The following NLGN1 variants were observed in gnomAD, a reference collection of about 807,000 sequenced individuals.
NLGN1 encodes neuroligin 1, also known as neuroligin-1.
A neutral mutation model predicts 65.5 loss-of-function variants in NLGN1; 12 were observed. The ratio of observed to expected loss-of-function variants is 0.18; its 90% CI spans 0.12 to 0.30. The LOEUF (loss-of-function observed/expected upper bound fraction) is 0.30. Among genes scored for constraint, NLGN1 ranks in the 10% least tolerant of loss-of-function variants. The pLI is 1.00. For missense variants in NLGN1, 750 were observed against 1,007.1 expected (o/e 0.74, Z 3.46); for synonymous variants, 350 against 359.5 (o/e 0.97, Z 0.30).
chr3:174,002,072 C>G (rs1442838703), intron 4 of NLGN1, among the ~76,000 whole-genome samples: 1 of 137,718 alleles, frequency 7.3e-6, no homozygotes, highest in Non-Finnish European at 1.6e-5. Flanking sequence ...AAAAAAAAAA[C>G]AAGATTAGGG....
At chr3:173,733,302 T>C (rs990320779) in intron 3 of NLGN1, among the ~76,000 whole-genome samples, 2 of 152,150 alleles carry the variant, frequency 1.3e-5, no homozygotes, top group African/African-American at 4.8e-5. Context: ...GGAATGGTTG[T>C]TCTTATTTTC....
At chr3:173,953,995 G>A (rs1009884766) in intron 4 of NLGN1, among the ~76,000 whole-genome samples, 1 of 152,150 alleles carries the variant, frequency 6.6e-6, no homozygotes, top group African/African-American at 2.4e-5. Flanking sequence ...AAATGATATA[G>A]TGATGAACTT....
intron 3 of NLGN1, among the ~76,000 whole-genome samples, chr3:173,643,950 C>G (rs1186803105): frequency 6.6e-6 from 1 of 152,054 alleles, no homozygotes; most frequent in African/African-American, 2.4e-5. Flanking sequence ...ACAGGATGCC[C>G]AAATAAAAGG....
At position 174,019,962 on chromosome 3, in the gene NLGN1, CT is replaced by C. The variant is rs1474146750; in HGVS notation, c.646+212131del. ...TAATTTAACAGTATTCAATGACTTG[CT>C]CCTAAAAAAGTAAAAAAGCCTGTAG... On this transcript the variant is annotated intron_variant, in intron 4 of 6. Transcript: ENST00000457714. 2.6e-5 allele frequency among the ~76,000 whole-genome samples: 4 copies of C among 152,188 alleles called. No individual in the cohort carries two copies. In the East Asian group the frequency reaches 7.7e-4, roughly 29 times the overall value.
At chr3:173,896,868 T>A (rs1037421907) in intron 4 of NLGN1, among the ~76,000 whole-genome samples, 19 of 152,134 alleles carry the variant, frequency 1.2e-4, no homozygotes, top group African/African-American at 4.6e-4. Flanking sequence ...TTCATTCAAA[T>A]AAATTGTCTC....
At chr3:174,104,811 C>A (rs1713355244) in intron 4 of NLGN1, among the ~76,000 whole-genome samples, 1 of 152,058 alleles carries the variant, frequency 6.6e-6, no homozygotes, top group African/African-American at 2.4e-5. Context: ...TTAATATTTT[C>A]TTTGGCAGAG....
intron 4 of NLGN1, among the ~76,000 whole-genome samples, chr3:174,271,774 T>G (rs1224524774): frequency 6.6e-6 from 1 of 151,728 alleles, no homozygotes; most frequent in Non-Finnish European, 1.5e-5. Context: ...AAGACTGGTA[T>G]TAAATAAATT....
At position 174,130,202 on chromosome 3, in the gene NLGN1, G is replaced by A. The variant is rs528284458; in HGVS notation, c.647-145113G>A. On this transcript the variant is annotated intron_variant, in intron 4 of 6. Transcript: ENST00000457714. ...CCAGCCTGGCCAACAAGGAAACCCCGTCTCTACTAAAAATATAAAAAATTA... is the reference window on the plus strand; with the variant it reads ...CCAGCCTGGCCAACAAGGAAACCCCATCTCTACTAAAAATATAAAAAATTA... Among the ~76,000 whole-genome samples the A allele has an allele frequency of 5.1e-4, 77 of 152,146 alleles. 1 individual carries two copies. Among genetic ancestry groups the A allele is most frequent in the African/African-American group, 6.3e-4 (26 of 41,518 alleles).
At chr3:173,763,252 A>G (rs1164352533) in intron 3 of NLGN1, among the ~76,000 whole-genome samples, 1 of 152,104 alleles carries the variant, frequency 6.6e-6, no homozygotes, top group East Asian at 1.9e-4. Flanking sequence ...CACATGATGT[A>G]AAGGAAGTAC....
rs35668962 is a variant in NLGN1 at position 173,744,830 on chromosome 3, A to ATTT, written c.494-62842_494-62840dup. On this transcript the variant is annotated intron_variant, in intron 3 of 6. Transcript: ENST00000457714. Reference sequence around the variant, plus strand: ...GTACTAAAAAAGCTGTTATTTATTTATTTTTTTTTTGACATCTTTGTTGCT... The same window carrying ATTT: ...GTACTAAAAAAGCTGTTATTTATTTATTTTTTTTTTTTTGACATCTTTGTTGCT... 5.7e-3 allele frequency among the ~76,000 whole-genome samples: 842 copies of ATTT among 148,210 alleles called. 8 individuals carry two copies. Among genetic ancestry groups the ATTT allele is most frequent in the African/African-American group, 0.02 (789 of 39,218 alleles).
intron 4 of NLGN1, among the ~76,000 whole-genome samples, chr3:174,206,120 CA>C (rs551657681): frequency 9.9e-5 from 15 of 152,186 alleles, no homozygotes; most frequent in Non-Finnish European, 1.6e-4. Flanking sequence ...AATAAGATGA[CA>C]ACGTTTGTTT....
chr3:174,012,883 A>G (rs1725829223), intron 4 of NLGN1, among the ~76,000 whole-genome samples: 1 of 152,178 alleles, frequency 6.6e-6, no homozygotes, highest in Admixed American at 6.5e-5. Context: ...AAGGGCTTCA[A>G]TTTCTTTGAG....
intron 4 of NLGN1, among the ~76,000 whole-genome samples, chr3:173,943,479 A>G (rs1212853314): frequency 2.0e-5 from 3 of 152,268 alleles, no homozygotes; most frequent in Admixed American, 6.5e-5. Context: ...CTCAGCTTCA[A>G]TGAAAGTACA....
chr3:173,720,406 A>T (rs1770639859), intron 3 of NLGN1, among the ~76,000 whole-genome samples: 1 of 152,160 alleles, frequency 6.6e-6, no homozygotes, highest in African/African-American at 2.4e-5. Context: ...ATAAATGGTT[A>T]TTGATACTGT....
At chr3:173,572,671 C>T (rs528843238) in intron 2 of NLGN1, among the ~76,000 whole-genome samples, 2 of 152,284 alleles carry the variant, frequency 1.3e-5, no homozygotes, top group African/African-American at 4.8e-5. Context: ...CGAGCCAGTG[C>T]CCTTTCCCAG....
At chr3:173,812,767 A>T (rs1167672009) in intron 4 of NLGN1, among the ~76,000 whole-genome samples, 1 of 147,164 alleles carries the variant, frequency 6.8e-6, no homozygotes, top group Non-Finnish European at 1.5e-5. Context: ...GTGTATATAT[A>T]TATATGTGTG....
chr3:174,037,844 T>TTAAACAA (rs1731470798), intron 4 of NLGN1, among the ~76,000 whole-genome samples: 3 of 152,086 alleles, frequency 2.0e-5, no homozygotes, highest in African/African-American at 4.8e-5. Context: ...GGGTGGTAAT[T>TTAAACAA]TAAACAATAC....
At chr3:173,754,899 A>T (rs1399624489) in intron 3 of NLGN1, among the ~76,000 whole-genome samples, 1 of 152,062 alleles carries the variant, frequency 6.6e-6, no homozygotes, top group Non-Finnish European at 1.5e-5. Flanking sequence ...AATTTATACA[A>T]CAATTCCAGT....
At chr3:174,160,076 A>G (rs73046288) in intron 4 of NLGN1, among the ~76,000 whole-genome samples, 19,876 of 151,652 alleles carry the variant, frequency 0.13, 1,366 homozygotes, top group Admixed American at 0.16. Flanking sequence ...CATCTCTAGA[A>G]CGCCAAAATA....
Sources: allele counts gnomAD v4.1 joint callset (sites outside exome capture counted in the v4.1 genomes callset), GRCh38; gene constraint gnomAD v4.1.1; transcripts MANE v1.5; gene names NCBI Gene and HGNC (gene_info 2026-07-23, HGNC 2026-07-21).